PATZ1: variants seen among roughly 807,000 people sequenced by gnomAD.
PATZ1 encodes the protein POZ/BTB and AT hook containing zinc finger 1, also known as POZ-, AT hook-, and zinc finger-containing protein 1.
A neutral mutation model predicts 46.2 loss-of-function variants in PATZ1; 9 were observed. That is an observed-to-expected ratio of 0.19 (90% CI 0.12 to 0.34). The LOEUF (loss-of-function observed/expected upper bound fraction) is 0.34, where lower values mean the gene tolerates loss of function less well. PATZ1 is among the 10% of genes least tolerant of loss of function. The pLI is 1.00. For missense variants in PATZ1, 632 were observed against 923.0 expected (o/e 0.68, Z 4.08); for synonymous variants, 426 against 378.6 (o/e 1.13, Z -1.45).
At chr22:31,333,613 C>T (rs1014214371) in intron 3 of PATZ1, among the ~76,000 whole-genome samples, 3 of 151,942 alleles carry the variant, frequency 2.0e-5, no homozygotes, top group African/African-American at 7.3e-5. Context: ...TGGGTTGGAC[C>T]AGCACCTTCT....
rs2049376702 is a variant in PATZ1 at position 31,326,996 on chromosome 22, C to T, written c.1959G>A (p.Met653Ile). The change falls in exon 5 of 5, where the codon ATG (methionine) becomes ATA (isoleucine). Residue 653 changes from methionine (M) to isoleucine (I), a missense_variant. Met to Ile is a conservative substitution (Grantham distance 10, BLOSUM62 1). Transcript: ENST00000266269. ...GAAACCCAAAGGACTCGAGGAGAGA[C>T]ATGTTCTGCTGAGGAGAGAAAGGTG... Reference protein sequence around the residue: ...LGSPFSPQQNMSLLESFGFQI... With the variant: ...LGSPFSPQQNISLLESFGFQI... The T allele has an allele frequency of 6.2e-7, 1 of 1,614,090 alleles. No homozygotes were observed. The highest frequency in any genetic ancestry group is 8.5e-7 in the Non-Finnish European group (1 of 1,180,058).
intron 3 of PATZ1, chr22:31,335,419 G>C (rs1490160825): frequency 2.5e-6 from 1 of 402,708 alleles, no homozygotes; most frequent in Non-Finnish European, 4.5e-6. Context: ...AGTAGCAGGT[G>C]AGAGTTATGG....
chr22:31,332,820 G>A (rs754700227), intron 3 of PATZ1, among the ~76,000 whole-genome samples: 7 of 152,206 alleles, frequency 4.6e-5, no homozygotes, highest in South Asian at 4.1e-4. Flanking sequence ...TGTCAAAGGC[G>A]GATTCCTGAT....
intron 2 of PATZ1, among the ~76,000 whole-genome samples, chr22:31,337,219 G>A (rs763216771): frequency 1.6e-4 from 25 of 152,160 alleles, no homozygotes; most frequent in Non-Finnish European, 2.6e-4. Flanking sequence ...AGGCAGGCAC[G>A]GTGCTCAGCC....
At chr22:31,342,710 G>C (rs936304187) in intron 2 of PATZ1, among the ~76,000 whole-genome samples, 187 bp downstream of exon 2, 8 of 152,190 alleles carry the variant, frequency 5.3e-5, no homozygotes, top group African/African-American at 1.9e-4. Context: ...CGTCAGCTGT[G>C]GGGGAAGGGG....
At chr22:31,336,925 C>T (rs531760486) in intron 2 of PATZ1, among the ~76,000 whole-genome samples, 46 of 151,160 alleles carry the variant, frequency 3.0e-4, no homozygotes, top group African/African-American at 9.7e-4. Flanking sequence ...CTGGCTAACA[C>T]GGTGAAACTC....
At chr22:31,336,709 G>A (rs1347842859) in intron 2 of PATZ1, among the ~76,000 whole-genome samples, 1 of 151,492 alleles carries the variant, frequency 6.6e-6, no homozygotes, top group Non-Finnish European at 1.5e-5. Context: ...GGGAGGCTGA[G>A]GCAGGAGAAT....
Position 31,345,420 on chromosome 22 carries a change from G to A in PATZ1, c.183C>T (p.Ala61=), listed in dbSNP as rs1301095720. 6.8e-6 allele frequency: 11 copies of A among 1,612,410 alleles called. No homozygotes were observed. The highest frequency in any genetic ancestry group is 1.7e-5 in the Admixed American group (1 of 59,964). Residue 61 remains alanine (A), a synonymous_variant, in exon 1 of 5, where the codon GCC becomes GCT. Coordinates refer to ENST00000266269, the MANE Select transcript of PATZ1 (RefSeq NM_014323.3). This position sits in a 1 kb window ranked among gnomAD's most constrained non-coding sequence, Gnocchi z 7.4. The part of the protein sequence containing the change: ...SFPAHRAVLA[A]CSEYFESVFS... ...ACACCGACTCAAAGTACTCGCTGCA[G>A]GCGGCCAGCACGGCGCGGTGCGCTG... is the stretch of plus-strand genomic sequence containing the variant.
intron 3 of PATZ1, among the ~76,000 whole-genome samples, chr22:31,334,955 G>A (rs546957741): frequency 6.6e-6 from 1 of 152,260 alleles, no homozygotes; most frequent in East Asian, 1.9e-4. Context: ...ACCTCCTTTA[G>A]CACAGACACA....
In PATZ1 at chr22:31,326,232, G is replaced by A. The variant is rs904764904; in HGVS notation, c.*659C>T. On this transcript the variant is annotated 3_prime_UTR_variant, in exon 5 of 5. Coordinates refer to ENST00000266269, the MANE Select transcript of PATZ1 (RefSeq NM_014323.3). ...CAGCATGTTGAATGGTTAAAATCAC[G>A]TAAGAACTGAAATTTGGGGTGGGGG... The A allele has an allele frequency of 8.8e-6, 2 of 226,166 alleles. No individual in the cohort carries two copies. Among genetic ancestry groups the A allele is most frequent in the South Asian group, 1.8e-4 (1 of 5,458 alleles). 14.0% of individuals were successfully genotyped at this position (226,166 alleles called of 1,614,324 possible). A position where few individuals can be genotyped will look rare whatever the true frequency, so the allele number is the denominator to read the frequency against.
At chr22:31,343,265 T>G in intron 1 of PATZ1, 1 of 1,127,962 alleles carries the variant, frequency 8.9e-7, no homozygotes, top group Non-Finnish European at 1.1e-6. Flanking sequence ...GCGGTGGCAG[T>G]AGAATGAAAC....
Position 31,345,423 on chromosome 22 carries a change from G to T in PATZ1, c.180C>A (p.Ala60=). 6.2e-7 allele frequency: 1 copy of T among 1,612,414 alleles called. No homozygotes were observed. Among genetic ancestry groups the T allele is most frequent in the Non-Finnish European group, 8.5e-7 (1 of 1,179,508 alleles). The change falls in exon 1 of 5, where the codon GCC becomes GCA. Residue 60 remains alanine (A), a synonymous_variant. Transcript: ENST00000266269. The surrounding 1 kb of genome is among the most constrained non-coding windows in gnomAD (Gnocchi z 7.4). ...CCGACTCAAAGTACTCGCTGCAGGC[G>T]GCCAGCACGGCGCGGTGCGCTGGGA... ...ESFPAHRAVL[A]ACSEYFESVF...
At chr22:31,332,732 C>T (rs117002335) in intron 3 of PATZ1, among the ~76,000 whole-genome samples, 122 of 152,366 alleles carry the variant, frequency 8.0e-4, no homozygotes, top group Middle Eastern at 3.4e-3. Flanking sequence ...CTGCATCCAT[C>T]CACTTGTGTG....
rs2049531384 is a variant in PATZ1, at chr22:31,337,920, A to G, written c.1336-2057T>C. ...CAATGCTGTCAAGGTAGAAGACACCACTGTTTACTACCCCAGTCCCAAATA... is the reference window on the plus strand; with the variant it reads ...CAATGCTGTCAAGGTAGAAGACACCGCTGTTTACTACCCCAGTCCCAAATA... On this transcript the variant is annotated intron_variant, in intron 2 of 4. Transcript: ENST00000266269. 2.0e-5 allele frequency: 3 copies of G among 152,178 alleles called. No homozygotes were observed. In the South Asian group the frequency reaches 6.2e-4, roughly 32 times the overall value. The allele number at this position is 152,178 out of a possible 1,614,324, so 9.4% of individuals were successfully genotyped here.
rs1363811101 is a variant in PATZ1, at chr22:31,328,618, TGA to T, written c.1645+167_1645+168del. Among the ~76,000 whole-genome samples the T allele has an allele frequency of 1.3e-5, 2 of 151,440 alleles. No homozygotes were observed. The highest frequency in any genetic ancestry group is 1.3e-4 in the Admixed American group (2 of 15,220). ...TAAAGCCTCACTCACTGCCCTGGAGTGAGATACCCACTGTGACTTTTGTCCTG... is the reference window on the plus strand; with the variant it reads ...TAAAGCCTCACTCACTGCCCTGGAGTGATACCCACTGTGACTTTTGTCCTG... On this transcript the variant is annotated intron_variant, in intron 4 of 4. Transcript: ENST00000266269. This position sits in a 1 kb window ranked among gnomAD's most constrained non-coding sequence, Gnocchi z 4.8.
At position 31,343,494 on chromosome 22, in the gene PATZ1, G is replaced by C. The variant is rs1053442510; in HGVS notation, c.1272-534C>G. ...ATGCCCGCCTGAGCAGGTGGGCAGG[G>C]GCTGCCTGACCGGTAAGACTGGTTC... On this transcript the variant is annotated intron_variant, in intron 1 of 4. Transcript: ENST00000266269. 2.0e-5 allele frequency: 19 copies of C among 953,600 alleles called. No homozygotes were observed. The Admixed American group carries it at 8.6e-4, about 43-fold the overall frequency. The allele number at this position is 953,600 out of a possible 1,614,324, so 59.1% of individuals were successfully genotyped here.
intron 1 of PATZ1, 46 bp downstream of exon 1, chr22:31,344,275 GCCTTTTCAGGA>G: frequency 6.9e-7 from 1 of 1,458,220 alleles, no homozygotes; most frequent in Non-Finnish European, 9.3e-7. Flanking sequence ...CTTGGCAGGA[GCCTTTTCAGGA>G]CTAAGATAAC....
chr22:31,334,893 A>G lies in PATZ1; in HGVS notation c.1507+799T>C, dbSNP rs182073997. Among the ~76,000 whole-genome samples the G allele has an allele frequency of 1.3e-3, 195 of 152,294 alleles. 1 individual carries two copies. Among genetic ancestry groups the G allele is most frequent in the African/African-American group, 3.8e-3 (157 of 41,546 alleles). On this transcript the variant is annotated intron_variant, in intron 3 of 4. Transcript: ENST00000266269. The stretch of plus-strand genomic sequence containing the variant: ...ACATCCCAGTGCTCCCCACTGGCCA[A>G]AGCAAAGCACACCATGCAGAAGCAT...
chr22:31,341,349 G>A, intron 2 of PATZ1: 2 of 1,506,506 alleles, frequency 1.3e-6, no homozygotes, highest in Non-Finnish European at 1.8e-6. Flanking sequence ...AGGGGTCTCA[G>A]GCCAAATGCC....
Sources: allele counts gnomAD v4.1 joint callset (sites outside exome capture counted in the v4.1 genomes callset), GRCh38; gene constraint gnomAD v4.1.1; non-coding constraint Gnocchi (gnomAD v3.1); transcripts MANE v1.5; gene names NCBI Gene and HGNC (gene_info 2026-07-23, HGNC 2026-07-21).